The following DPP10 variants were observed in gnomAD, a reference collection of about 807,000 sequenced individuals.
DPP10 encodes the protein inactive dipeptidyl peptidase 10.
In DPP10, 33 loss-of-function variants were observed where a neutral mutation model predicts 120.9. The ratio of observed to expected loss-of-function variants is 0.27; its 90% confidence interval spans 0.21 to 0.37. DPP10 has a LOEUF of 0.37. Ranked by LOEUF, DPP10 falls within the 10% of genes least tolerant of loss-of-function variation. The pLI, the probability that DPP10 is intolerant of heterozygous loss-of-function variation, is 1.00. For missense variants in DPP10, 816 were observed against 942.8 expected, an observed-to-expected ratio of 0.87 and a Z score of 1.76; for synonymous variants, 337 against 326.1, an observed-to-expected ratio of 1.03 and a Z score of -0.36.
At chr2:114,500,658 T>C (rs1412003347) in intron 1 of DPP10, among the ~76,000 whole-genome samples, 1 of 151,746 alleles carries the variant, frequency 6.6e-6, no homozygotes, top group African/African-American at 2.4e-5. Context: ...GCCTCCAGGA[T>C]CCAGGAAAAA....
chr2:115,100,281 A>G (rs1341906571), intron 1 of DPP10, among the ~76,000 whole-genome samples: 1 of 152,244 alleles, frequency 6.6e-6, no homozygotes, highest in East Asian at 1.9e-4. Context: ...TCCTGTCTCT[A>G]TAAACACCCT....
chr2:115,109,386 ATT>A (rs1386963335), intron 1 of DPP10, among the ~76,000 whole-genome samples: 1 of 152,038 alleles, frequency 6.6e-6, no homozygotes, highest in Non-Finnish European at 1.5e-5. Context: ...AATACAAAAA[ATT>A]AGCTGGGCGT....
intron 1 of DPP10, among the ~76,000 whole-genome samples, chr2:115,241,827 G>A (rs2058296827): frequency 6.6e-6 from 1 of 152,092 alleles, no homozygotes; most frequent in Admixed American, 6.5e-5. Context: ...CTATACCTCA[G>A]AAATGTATCT....
At position 115,735,242 on chromosome 2, in the gene DPP10, T is replaced by G. The variant is rs566877084; in HGVS notation, c.698-4497T>G. Among the ~76,000 whole-genome samples the G allele has an allele frequency of 2.6e-4, 40 of 152,336 alleles. No homozygotes were observed. In the South Asian group the frequency reaches 8.1e-3, roughly 31 times the overall value. ...GAAAAGAAGTACATAAAATCTCATC[T>G]GCTATTGTTTCATTGCAGGATGGTA... On this transcript the variant is annotated intron_variant, in intron 8 of 25. Coordinates refer to ENST00000410059, the MANE Select transcript of DPP10 (RefSeq NM_020868.6).
intron 3 of DPP10, among the ~76,000 whole-genome samples, chr2:115,459,377 GAA>G (rs2073840068): frequency 6.6e-6 from 1 of 151,722 alleles, no homozygotes; most frequent in African/African-American, 2.4e-5. Flanking sequence ...GGGTGGTCTC[GAA>G]CTCTTGACCT....
At chr2:115,050,884 C>T (rs989002064) in intron 1 of DPP10, among the ~76,000 whole-genome samples, 3 of 152,186 alleles carry the variant, frequency 2.0e-5, no homozygotes, top group Non-Finnish European at 2.9e-5. Context: ...CAATCACTAG[C>T]TGACTACTAA....
intron 1 of DPP10, among the ~76,000 whole-genome samples, chr2:114,666,761 A>G (rs1697953055): frequency 6.6e-6 from 1 of 152,196 alleles, no homozygotes; most frequent in Non-Finnish European, 1.5e-5. Flanking sequence ...TTTACTCAAA[A>G]TAATACTGTT....
intron 5 of DPP10, among the ~76,000 whole-genome samples, chr2:115,559,725 C>A (rs2080447553): frequency 6.6e-6 from 1 of 152,238 alleles, no homozygotes; most frequent in Non-Finnish European, 1.5e-5. Flanking sequence ...CCCCTTTTAA[C>A]TTTACAGCCA....
At chr2:115,683,681 T>TAAAATA (rs920207864) in intron 5 of DPP10, among the ~76,000 whole-genome samples, 2 of 151,836 alleles carry the variant, frequency 1.3e-5, no homozygotes, top group African/African-American at 4.8e-5. Context: ...TTTTAAAACA[T>TAAAATA]AAAATAAAAA....
intron 1 of DPP10, among the ~76,000 whole-genome samples, chr2:115,133,145 G>GTGTGTGTATA (rs1338395575): frequency 1.0e-4 from 3 of 28,770 alleles, no homozygotes; most frequent in African/African-American, 2.5e-4. Context: ...GTGTGTGTGT[G>GTGTGTGTATA]TATATATATA....
intron 1 of DPP10, among the ~76,000 whole-genome samples, chr2:114,712,299 G>A (rs779190750): frequency 2.0e-5 from 3 of 152,088 alleles, no homozygotes; most frequent in East Asian, 1.9e-4. Context: ...CAGCCTGGGC[G>A]ACACAGTGAG....
At chr2:114,462,148 T>C (rs1371788013) in intron 1 of DPP10, 1 of 985,246 alleles carries the variant, frequency 1.0e-6, no homozygotes, top group Non-Finnish European at 1.2e-6. Context: ...CAGGTAATTT[T>C]CTTTATTAAA....
intron 1 of DPP10, among the ~76,000 whole-genome samples, chr2:114,965,707 G>A (rs999366901): frequency 7.2e-5 from 11 of 151,942 alleles, no homozygotes; most frequent in Admixed American, 4.6e-4. Flanking sequence ...GGCCGGGCGC[G>A]GTGGCTCACG....
At chr2:114,863,328 C>G (rs1225804569) in intron 1 of DPP10, among the ~76,000 whole-genome samples, 1 of 152,112 alleles carries the variant, frequency 6.6e-6, no homozygotes, top group Non-Finnish European at 1.5e-5. Flanking sequence ...AAACACATTT[C>G]TAGGAATCCC....
chr2:114,714,713 A>G (rs1021401862), intron 1 of DPP10, among the ~76,000 whole-genome samples: 8 of 152,086 alleles, frequency 5.3e-5, no homozygotes, highest in Admixed American at 5.2e-4. Flanking sequence ...TGAGACCTAG[A>G]TTATGTTAAA....
At chr2:115,521,555 G>A (rs557335943) in intron 4 of DPP10, among the ~76,000 whole-genome samples, 76 of 151,442 alleles carry the variant, frequency 5.0e-4, no homozygotes, top group Non-Finnish European at 9.6e-4. Context: ...TTGAAAACCT[G>A]GAGTTATTCT....
chr2:115,339,050 G>A lies in DPP10; in HGVS notation c.176-4767G>A, dbSNP rs565615359. Among the ~76,000 whole-genome samples the A allele has an allele frequency of 5.3e-5, 8 of 152,202 alleles. No homozygotes were observed. The South Asian group carries it at 1.0e-3, about 20-fold the overall frequency. On this transcript the variant is annotated intron_variant, in intron 2 of 25. Transcript: ENST00000410059. ...CTGGAGGGAAATATTTGAAATTCACGTATCTGACAAAGCATTTGTATTTAG... is the reference window on the plus strand; with the variant it reads ...CTGGAGGGAAATATTTGAAATTCACATATCTGACAAAGCATTTGTATTTAG...
intron 1 of DPP10, chr2:114,834,170 C>A (rs1457476825): frequency 2.9e-5 from 4 of 136,218 alleles, no homozygotes; most frequent in African/African-American, 7.8e-5. Flanking sequence ...TATATATAAG[C>A]CATATCTACA....
chr2:114,568,243 A>G (rs1689361407), intron 1 of DPP10, among the ~76,000 whole-genome samples: 1 of 152,068 alleles, frequency 6.6e-6, no homozygotes, highest in Non-Finnish European at 1.5e-5. Context: ...ATGTATGATG[A>G]TCAAGTCAGG....
Sources: allele counts gnomAD v4.1 joint callset (sites outside exome capture counted in the v4.1 genomes callset), GRCh38; gene constraint gnomAD v4.1.1; transcripts MANE v1.5; gene names NCBI Gene and HGNC (gene_info 2026-07-23, HGNC 2026-07-21).